CHRNA7: variants seen among roughly 807,000 people sequenced by gnomAD.
CHRNA7 encodes the protein neuronal acetylcholine receptor subunit alpha-7.
A neutral mutation model predicts 48.0 loss-of-function variants in CHRNA7; 17 were observed. That is an observed-to-expected ratio of 0.35 (90% CI 0.24 to 0.53). The LOEUF is 0.53. Ranked by LOEUF, CHRNA7 falls within the 20% of genes least tolerant of loss-of-function variation. The probability of loss-of-function intolerance (pLI) is 0.92; values close to 1 mark genes in which losing one functional copy is unlikely to be tolerated. For missense variants in CHRNA7, 155 were observed against 577.7 expected, an observed-to-expected ratio of 0.27 and a Z score of 7.50; for synonymous variants, 75 against 242.3, an observed-to-expected ratio of 0.31 and a Z score of 6.41.
intron 4 of CHRNA7, among the ~76,000 whole-genome samples, chr15:32,119,995 A>T (rs999164044): frequency 5.9e-5 from 9 of 152,174 alleles, no homozygotes; most frequent in African/African-American, 2.2e-4. Context: ...ACTTGCCCGC[A>T]GCTCCTGGTC....
chr15:32,074,668 T>TATTATTA (rs2050109644), intron 2 of CHRNA7, among the ~76,000 whole-genome samples: 2 of 150,298 alleles, frequency 1.3e-5, no homozygotes, highest in African/African-American at 2.4e-5. Flanking sequence ...TTATTATTAT[T>TATTATTA]TTTGAGACAG....
intron 2 of CHRNA7, among the ~76,000 whole-genome samples, chr15:32,066,129 C>T (rs1215135594): frequency 6.6e-6 from 1 of 152,232 alleles, no homozygotes; most frequent in African/African-American, 2.4e-5. Flanking sequence ...AAATAGCTGG[C>T]AACTCATATA....
At chr15:32,116,031 C>A (rs1225455623) in intron 4 of CHRNA7, among the ~76,000 whole-genome samples, 2 of 152,140 alleles carry the variant, frequency 1.3e-5, no homozygotes, top group African/African-American at 4.8e-5. Context: ...TTGAGAGATA[C>A]CGAATTTAAT....
chr15:32,127,769 A>G (rs1053331621), intron 4 of CHRNA7, among the ~76,000 whole-genome samples: 4 of 152,010 alleles, frequency 2.6e-5, no homozygotes, highest in African/African-American at 7.2e-5. Flanking sequence ...TTATCTCTTC[A>G]TCTTCTTTAC....
chr15:32,052,393 T>G (rs1056663316), intron 2 of CHRNA7, among the ~76,000 whole-genome samples: 2 of 152,124 alleles, frequency 1.3e-5, no homozygotes, highest in African/African-American at 4.8e-5. Context: ...TACCAGTGAC[T>G]GGGAAGACAG....
chr15:32,051,372 C>G (rs934576457), intron 2 of CHRNA7, among the ~76,000 whole-genome samples: 1 of 152,212 alleles, frequency 6.6e-6, no homozygotes, highest in East Asian at 1.9e-4. Context: ...CCTCCCCCAG[C>G]CTTGCTGAAG....
At chr15:32,048,483 A>G (rs377477035) in intron 2 of CHRNA7, among the ~76,000 whole-genome samples, 6 of 152,080 alleles carry the variant, frequency 3.9e-5, no homozygotes, top group East Asian at 3.9e-4. Context: ...TTCTCTGATG[A>G]TAGTTTGTAT....
intron 2 of CHRNA7, among the ~76,000 whole-genome samples, chr15:32,041,508 C>G (rs1393372223): frequency 6.6e-6 from 1 of 152,228 alleles, no homozygotes; most frequent in African/African-American, 2.4e-5. Context: ...CAGTAATGCT[C>G]CCTGACCTGC....
intron 4 of CHRNA7, among the ~76,000 whole-genome samples, chr15:32,117,529 G>A (rs2050894071): frequency 6.6e-6 from 1 of 152,132 alleles, no homozygotes; most frequent in Admixed American, 6.5e-5. Context: ...CTCAGCTTCT[G>A]GTAGGGAGCA....
At chr15:32,100,444 C>T (rs965677414) in intron 2 of CHRNA7, 4 of 152,916 alleles carry the variant, frequency 2.6e-5, no homozygotes, top group Middle Eastern at 1.1e-3. Context: ...CTTGGTCAGC[C>T]GTACTAAAAC....
In CHRNA7 at chr15:32,030,995, C is replaced by G. The variant is rs148052103; in HGVS notation, c.153C>G (p.Leu51=). The change falls in exon 2 of 10, where the codon CTC becomes CTG. Residue 51 remains leucine, a synonymous_variant. Coordinates refer to ENST00000306901, the MANE Select transcript of CHRNA7 (RefSeq NM_000746.6). Reference sequence around the variant, plus strand: ...CCGTGGCCAATGACTCGCAACCACTCACCGTCTACTTCTCCCTGAGCCTCC... The same window carrying G: ...CCGTGGCCAATGACTCGCAACCACTGACCGTCTACTTCTCCCTGAGCCTCC... ...ERPVANDSQP[L]TVYFSLSLLQ... 6.2e-7 allele frequency: 1 copy of G among 1,614,088 alleles called. No homozygotes were observed. Among genetic ancestry groups the G allele is most frequent in the Admixed American group, 1.7e-5 (1 of 60,014 alleles).
In CHRNA7 at chr15:32,108,561, G is replaced by A. The variant is rs138405033; in HGVS notation, c.241-3229G>A. On this transcript the variant is annotated intron_variant, in intron 3 of 9. Coordinates refer to ENST00000306901, the MANE Select transcript of CHRNA7 (RefSeq NM_000746.6). ...ATTCCATATCCATTCTTGGGAAACCGTCATGGGAGCCTGTGGGGGTTGCTG... is the reference window on the plus strand; with the variant it reads ...ATTCCATATCCATTCTTGGGAAACCATCATGGGAGCCTGTGGGGGTTGCTG... Among the ~76,000 whole-genome samples the A allele has an allele frequency of 3.9e-4, 59 of 152,262 alleles. No homozygotes were observed. In the East Asian group the frequency reaches 4.3e-3, roughly 11 times the overall value.
intron 4 of CHRNA7, among the ~76,000 whole-genome samples, chr15:32,130,652 T>C (rs905424710): frequency 6.6e-6 from 1 of 151,700 alleles, no homozygotes; most frequent in African/African-American, 2.4e-5. Context: ...TATAGTGTTT[T>C]TGAGTATGTC....
intron 2 of CHRNA7, among the ~76,000 whole-genome samples, chr15:32,037,245 T>TG (rs1368747727): frequency 6.6e-6 from 1 of 152,208 alleles, no homozygotes; most frequent in Non-Finnish European, 1.5e-5. Flanking sequence ...ATTATATTCA[T>TG]GTGAGTCTTA....
chr15:32,100,156 A>G (rs1054005798), intron 2 of CHRNA7: 1 of 150,356 alleles, frequency 6.7e-6, no homozygotes, highest in African/African-American at 2.4e-5. Context: ...GCTCACTGAC[A>G]TGCCCCAGCA....
intron 2 of CHRNA7, among the ~76,000 whole-genome samples, chr15:32,038,750 G>T (rs2141167279): frequency 6.6e-6 from 1 of 152,280 alleles, no homozygotes; most frequent in Admixed American, 6.5e-5. Flanking sequence ...GTCTTTATCT[G>T]CCATTTGTAT....
At chr15:32,045,951 G>T in intron 2 of CHRNA7, among the ~76,000 whole-genome samples, 1 of 151,012 alleles carries the variant, frequency 6.6e-6, no homozygotes. Context: ...AGTTTACTGA[G>T]AATGATGATT....
At chr15:32,048,828 G>C (rs148620107) in intron 2 of CHRNA7, among the ~76,000 whole-genome samples, 1,999 of 151,692 alleles carry the variant, frequency 0.013, 37 homozygotes, top group African/African-American at 0.044. Context: ...TTTCCCTGTA[G>C]ACACTGCTTT....
chr15:32,091,026 A>G (rs1323588027), intron 2 of CHRNA7, among the ~76,000 whole-genome samples: 1 of 152,098 alleles, frequency 6.6e-6, no homozygotes, highest in African/African-American at 2.4e-5. Context: ...TAACCCACCC[A>G]TTGAGCTTTT....
Sources: gnomAD v4.1 joint callset for allele counts (sites outside exome capture counted in the v4.1 genomes callset) on GRCh38, gnomAD v4.1.1 for gene constraint, MANE v1.5 for transcripts, NCBI Gene and HGNC (gene_info 2026-07-23, HGNC 2026-07-21) for gene names.